CNOT2: variants seen among roughly 807,000 people sequenced by gnomAD.
The protein encoded by CNOT2 is CCR4-NOT transcription complex subunit 2.
In CNOT2, 7 loss-of-function variants were observed where a neutral mutation model predicts 72.1. The observed-to-expected ratio is 0.10, with a 90% confidence interval of 0.06 to 0.18. CNOT2 has a LOEUF of 0.18. CNOT2 is among the 10% of genes least tolerant of loss of function. CNOT2 has a pLI of 1.00. For synonymous variants in CNOT2, 196 were observed against 225.6 expected (o/e 0.87, Z 1.17); for missense variants, 345 against 660.3 (o/e 0.52, Z 5.23).
At chr12:70,290,208 C>T (rs1341020363) in intron 2 of CNOT2, among the ~76,000 whole-genome samples, 1 of 150,800 alleles carries the variant, frequency 6.6e-6, no homozygotes, top group Non-Finnish European at 1.5e-5. Context: ...ATTGTTTTCT[C>T]TGTTTCTTTC....
intron 1 of CNOT2, among the ~76,000 whole-genome samples, chr12:70,263,363 T>C (rs1418375240): frequency 2.6e-5 from 4 of 152,156 alleles, no homozygotes; most frequent in African/African-American, 9.7e-5. Flanking sequence ...CCTATGCTTT[T>C]TTTTCCTGAG....
intron 1 of CNOT2, chr12:70,244,442 G>T (rs1957775499): frequency 6.6e-6 from 1 of 152,192 alleles, no homozygotes; most frequent in Admixed American, 6.5e-5. Flanking sequence ...GGTAACTGTG[G>T]TCCTTAGCAA....
intron 1 of CNOT2, among the ~76,000 whole-genome samples, chr12:70,251,221 A>C (rs1186176351): frequency 6.6e-6 from 1 of 152,152 alleles, no homozygotes; most frequent in Non-Finnish European, 1.5e-5. Context: ...TCCTCAAGTT[A>C]AATTTTTGTC....
At chr12:70,332,239 GAC>G (rs1880062684) in intron 6 of CNOT2, among the ~76,000 whole-genome samples, 1 of 151,758 alleles carries the variant, frequency 6.6e-6, no homozygotes, top group Admixed American at 6.6e-5. Context: ...AAGGGCAGAA[GAC>G]ACAGAGAGGA....
At chr12:70,297,184 A>T (rs374049240) in intron 2 of CNOT2, among the ~76,000 whole-genome samples, 212 of 152,342 alleles carry the variant, frequency 1.4e-3, no homozygotes, top group African/African-American at 4.8e-3. Flanking sequence ...GTTTGTTGAT[A>T]TTGAATATGG....
chr12:70,340,164 C>A (rs1881299442), intron 11 of CNOT2, among the ~76,000 whole-genome samples: 1 of 152,150 alleles, frequency 6.6e-6, no homozygotes, highest in Admixed American at 6.5e-5. Flanking sequence ...TTTGTCCCTG[C>A]CACTTCACTA....
At chr12:70,338,883 A>G (rs1881062763) in intron 11 of CNOT2, 61 bp downstream of exon 11, 2 of 1,370,188 alleles carry the variant, frequency 1.5e-6, no homozygotes, top group African/African-American at 1.4e-5. Context: ...CCAGTTTTTA[A>G]TATCATGTCA....
At chr12:70,273,794 T>C (rs1024575767) in intron 1 of CNOT2, among the ~76,000 whole-genome samples, 5 of 152,130 alleles carry the variant, frequency 3.3e-5, no homozygotes, top group Admixed American at 1.3e-4. Flanking sequence ...TCTCTACTTA[T>C]AGTAAATTTT....
chr12:70,279,814 CAG>C (rs1249710047), intron 2 of CNOT2, among the ~76,000 whole-genome samples: 3 of 152,166 alleles, frequency 2.0e-5, no homozygotes, highest in African/African-American at 7.2e-5. Flanking sequence ...AGAAAGAAAA[CAG>C]AATTATGTTT....
chr12:70,298,743 A>C (rs1183482509), intron 2 of CNOT2, among the ~76,000 whole-genome samples: 2 of 152,176 alleles, frequency 1.3e-5, no homozygotes, highest in African/African-American at 4.8e-5. Flanking sequence ...CATGGAAACT[A>C]ACTTCTGTTC....
intron 1 of CNOT2, among the ~76,000 whole-genome samples, chr12:70,274,453 C>A (rs1321818242): frequency 6.6e-6 from 1 of 152,044 alleles, no homozygotes. Flanking sequence ...ACCTGTTCAG[C>A]TGGTTCAGCT....
At chr12:70,283,278 A>G (rs1870192664) in intron 2 of CNOT2, among the ~76,000 whole-genome samples, 1 of 152,140 alleles carries the variant, frequency 6.6e-6, no homozygotes, top group African/African-American at 2.4e-5. Context: ...AAGATATATA[A>G]TGAATATAAA....
At chr12:70,350,003 A>T (rs76667317) in intron 15 of CNOT2, among the ~76,000 whole-genome samples, 3 of 145,304 alleles carry the variant, frequency 2.1e-5, no homozygotes, top group South Asian at 2.2e-4. Context: ...GCCAGATCCT[A>T]TTTTTTTTTT....
At chr12:70,312,911 G>T (rs1290710591) in intron 3 of CNOT2, among the ~76,000 whole-genome samples, 1 of 151,834 alleles carries the variant, frequency 6.6e-6, no homozygotes, top group Admixed American at 6.6e-5. Context: ...AATGCTATCA[G>T]AAATAATTGC....
chr12:70,247,108 T>C (rs887724305), intron 1 of CNOT2, among the ~76,000 whole-genome samples: 3 of 152,258 alleles, frequency 2.0e-5, no homozygotes, highest in South Asian at 2.1e-4. Context: ...CACTTAGATA[T>C]ATAGTTAGAT....
chr12:70,328,568 G>A (rs556315061), intron 4 of CNOT2, among the ~76,000 whole-genome samples: 11 of 151,762 alleles, frequency 7.2e-5, no homozygotes, highest in Non-Finnish European at 1.2e-4. Flanking sequence ...AACGTATGCT[G>A]TCTATGATAA....
At chr12:70,247,077 CG>C (rs1957911822) in intron 1 of CNOT2, among the ~76,000 whole-genome samples, 3 of 151,866 alleles carry the variant, frequency 2.0e-5, no homozygotes, top group Admixed American at 1.3e-4. Flanking sequence ...TTTGTATATG[CG>C]TAGACTCAGG....
chr12:70,338,350 G>GC, intron 9 of CNOT2, 93 bp from the exon 10 acceptor site: 2 of 1,060,496 alleles, frequency 1.9e-6, no homozygotes, highest in Non-Finnish European at 2.7e-6. Context: ...CAATTTAAAT[G>GC]TAATAAAGAA....
At chr12:70,301,426 A>C (rs1454546285) in intron 2 of CNOT2, among the ~76,000 whole-genome samples, 5 of 152,202 alleles carry the variant, frequency 3.3e-5, no homozygotes, top group African/African-American at 1.2e-4. Context: ...AGTTTTTAGC[A>C]TGAAGAGCTG....
Sources: gnomAD v4.1 joint callset for allele counts (sites outside exome capture counted in the v4.1 genomes callset) on GRCh38, gnomAD v4.1.1 for gene constraint, MANE v1.5 for transcripts, NCBI Gene and HGNC (gene_info 2026-07-23, HGNC 2026-07-21) for gene names.